The following MAP3K10 variants were observed in gnomAD, a reference collection of about 807,000 sequenced individuals.
MAP3K10 encodes MKN28 derived nonreceptor_type serine/threonine kinase.
MAP3K10 carries 22 observed loss-of-function variants against 75.0 expected under a neutral mutation model. The observed-to-expected ratio is 0.29, with a 90% confidence interval of 0.21 to 0.42. The LOEUF (loss-of-function observed/expected upper bound fraction) is 0.42. Ranked by LOEUF, MAP3K10 falls within the 10% of genes least tolerant of loss-of-function variation. The pLI is 1.00. For synonymous variants in MAP3K10, 599 were observed against 612.9 expected, an observed-to-expected ratio of 0.98 and a Z score of 0.34; for missense variants, 1,165 against 1,379.8, an observed-to-expected ratio of 0.84 and a Z score of 2.47.
Position 40,213,455 on chromosome 19 carries a change from C to A in MAP3K10, c.1838-62C>A. 6.3e-7 allele frequency: 1 copy of A among 1,584,120 alleles called. No homozygotes were observed. The highest frequency in any genetic ancestry group is 8.5e-7 in the Non-Finnish European group (1 of 1,170,090). On this transcript the variant is annotated intron_variant, in intron 8 of 9. Transcript: ENST00000253055. The surrounding 1 kb of genome is among the most constrained non-coding windows in gnomAD (Gnocchi z 5.7). The stretch of plus-strand genomic sequence containing the variant: ...GGGGTCATCGGGGGCTGTCCCTTGG[C>A]ACAAGTCCCCGTGGGGCCCTGGCCA...
chr19:40,201,362 T>C (rs373018410), intron 2 of MAP3K10, among the ~76,000 whole-genome samples: 2 of 149,732 alleles, frequency 1.3e-5, no homozygotes, highest in African/African-American at 5.1e-5. Context: ...TTATTTATTT[T>C]TTTTAATTTT....
rs1285493707 is a variant in MAP3K10, at chr19:40,215,193, T to C, written c.2766T>C (p.Pro922=). 2 of 1,590,068 alleles carry C rather than the reference T, an allele frequency of 1.3e-6. No individual in the cohort carries two copies. The highest frequency in any genetic ancestry group is 1.1e-5 in the South Asian group (1 of 87,888). The part of the protein sequence containing the change: ...PPSRPDTPES[P]GPPSVQPTLL... Reference sequence around the variant, plus strand: ...GCAGGCCAGACACTCCGGAGAGCCCTGGGCCCCCCAGCGTGCAGCCCACAC... The same window carrying C: ...GCAGGCCAGACACTCCGGAGAGCCCCGGGCCCCCCAGCGTGCAGCCCACAC... Residue 922 remains proline, a synonymous_variant, in exon 10 of 10, where the codon CCT becomes CCC. Coordinates refer to ENST00000253055, the MANE Select transcript of MAP3K10 (RefSeq NM_002446.4).
Position 40,212,802 on chromosome 19 carries a change from C to T in MAP3K10, c.1553-3C>T. On this transcript the variant is annotated splice_polypyrimidine_tract_variant and splice_region_variant and intron_variant, in intron 6 of 9. Transcript: ENST00000253055. This position sits in a 1 kb window ranked among gnomAD's most constrained non-coding sequence, Gnocchi z 4.2. Reference sequence around the variant, plus strand: ...AGTAACCAAGTGGCTTCTCTGGACCCAGTGACTCCCGTGGACTGTGGTGGC... The same window carrying T: ...AGTAACCAAGTGGCTTCTCTGGACCTAGTGACTCCCGTGGACTGTGGTGGC... 1 of 1,584,330 alleles carries T rather than the reference C, an allele frequency of 6.3e-7. No individual in the cohort carries two copies. The highest frequency in any genetic ancestry group is 8.6e-7 in the Non-Finnish European group (1 of 1,166,554).
At chr19:40,207,750 T>TA (rs1973149829) in intron 5 of MAP3K10, among the ~76,000 whole-genome samples, 1 of 152,100 alleles carries the variant, frequency 6.6e-6, no homozygotes, top group African/African-American at 2.4e-5. Context: ...AATATATATA[T>TA]TTTTTAATTT....
At position 40,213,090 on chromosome 19, in the gene MAP3K10, G is replaced by C. The variant is rs772614252; in HGVS notation, c.1739G>C (p.Gly580Ala). Residue 580 changes from glycine (G) to alanine (A), a missense_variant, in exon 8 of 10, where the codon GGG becomes GCG. Physicochemically the swap from Gly to Ala is moderately conservative, Grantham distance 60. Around this residue, in one of 2 missense-constraint regions of MAP3K10, gnomAD observed 590 missense variants for 586.6 expected, o/e 1.01. Coordinates refer to ENST00000253055, the MANE Select transcript of MAP3K10 (RefSeq NM_002446.4). The surrounding 1 kb of genome is among the most constrained non-coding windows in gnomAD (Gnocchi z 5.7). ...VGGEERLKGLGEGSKQWSSSA... is the reference protein window; with the variant it reads ...VGGEERLKGLAEGSKQWSSSA... ...GGACCCCGCAGGCTGAAGGGGCTGGGGGAAGGAAGCAAACAGTGGTCATCA... is the reference window on the plus strand; with the variant it reads ...GGACCCCGCAGGCTGAAGGGGCTGGCGGAAGGAAGCAAACAGTGGTCATCA... 1 of 1,606,786 alleles carries C rather than the reference G, an allele frequency of 6.2e-7. No homozygotes were observed. Among genetic ancestry groups the C allele is most frequent in the African/African-American group, 1.3e-5 (1 of 74,898 alleles).
chr19:40,192,214 G>A lies in MAP3K10; in HGVS notation c.183G>A (p.Gly61=), dbSNP rs2145063572. Residue 61 remains glycine (G), a synonymous_variant, in exon 1 of 10, where the codon GGG becomes GGA. Transcript: ENST00000253055. This position sits in a 1 kb window ranked among gnomAD's most constrained non-coding sequence, Gnocchi z 7.1. The stretch of plus-strand genomic sequence containing the variant: ...CCGGCGACGAGGGCTGGTGGACCGG[G>A]CAGCTCCCCAGCGGCCGCGTGGGCG... ...AVSGDEGWWT[G]QLPSGRVGVF... is the part of the protein sequence containing the mutation. 2.5e-6 allele frequency: 4 copies of A among 1,607,468 alleles called. No homozygotes were observed. Among genetic ancestry groups the A allele is most frequent in the East Asian group, 2.2e-5 (1 of 44,742 alleles).
chr19:40,198,220 A>G lies in MAP3K10; in HGVS notation c.683-155A>G, dbSNP rs1972947587. Among the ~76,000 whole-genome samples, 1 of 152,146 alleles carries G rather than the reference A, an allele frequency of 6.6e-6. No individual in the cohort carries two copies. The highest frequency in any genetic ancestry group is 1.5e-5 in the Non-Finnish European group (1 of 68,024). ...GGATTAGACCTGGGCGGAGGGGCTC[A>G]TGGATGTTCCAGGCCAGGAAAGGAC... On this transcript the variant is annotated intron_variant, in intron 1 of 9. Transcript: ENST00000253055. This position sits in a 1 kb window ranked among gnomAD's most constrained non-coding sequence, Gnocchi z 4.3.
chr19:40,204,943 C>T lies in MAP3K10; in HGVS notation c.1013-178C>T. 3.0e-6 allele frequency: 2 copies of T among 670,104 alleles called. No homozygotes were observed. Among genetic ancestry groups the T allele is most frequent in the Non-Finnish European group, 5.2e-6 (2 of 385,868 alleles). 41.5% of individuals were successfully genotyped at this position (670,104 alleles called of 1,614,324 possible). On this transcript the variant is annotated intron_variant, in intron 3 of 9. Transcript: ENST00000253055. The surrounding 1 kb of genome is among the most constrained non-coding windows in gnomAD (Gnocchi z 4.3). The stretch of plus-strand genomic sequence containing the variant: ...GCAGGTCCCAGGGTTTCTCTCCCAG[C>T]GTTTCACTGAGTGGAATTGGCCAGG...
Position 40,213,236 on chromosome 19 carries a change from G to T in MAP3K10, c.1837+48G>T. 1 of 1,512,904 alleles carries T rather than the reference G, an allele frequency of 6.6e-7. No individual in the cohort carries two copies. The highest frequency in any genetic ancestry group is 8.9e-7 in the Non-Finnish European group (1 of 1,128,340). 93.7% of individuals were successfully genotyped at this position (1,512,904 alleles called of 1,614,324 possible). A position where few individuals can be genotyped will look rare whatever the true frequency, so the allele number is the denominator to read the frequency against. ...GGGGGTGGGGGTTCCCTGGCCAAAG[G>T]GGTGAGCCTCCTGGGGCTGAGCGAA... On this transcript the variant is annotated intron_variant, in intron 8 of 9. Coordinates refer to ENST00000253055, the MANE Select transcript of MAP3K10 (RefSeq NM_002446.4). This position sits in a 1 kb window ranked among gnomAD's most constrained non-coding sequence, Gnocchi z 5.7.
Position 40,213,090 on chromosome 19 carries a change from G to A in MAP3K10, c.1739G>A (p.Gly580Glu), listed in dbSNP as rs772614252. 1 of 1,606,904 alleles carries A rather than the reference G, an allele frequency of 6.2e-7. No individual in the cohort carries two copies. Among genetic ancestry groups the A allele is most frequent in the Admixed American group, 1.7e-5 (1 of 58,476 alleles). ...VGGEERLKGL[G>E]EGSKQWSSSA... is the part of the protein sequence containing the mutation. ...GGACCCCGCAGGCTGAAGGGGCTGG[G>A]GGAAGGAAGCAAACAGTGGTCATCA... The change falls in exon 8 of 10, where the codon GGG becomes GAG. Residue 580 changes from glycine to glutamate, a missense_variant. Around this residue, in one of 2 missense-constraint regions of MAP3K10, gnomAD observed 590 missense variants for 586.6 expected, o/e 1.01. Transcript: ENST00000253055. The surrounding 1 kb of genome is among the most constrained non-coding windows in gnomAD (Gnocchi z 5.7).
At chr19:40,197,827 C>T (rs1248393115) in intron 1 of MAP3K10, among the ~76,000 whole-genome samples, 2 of 141,564 alleles carry the variant, frequency 1.4e-5, no homozygotes, top group Non-Finnish European at 3.2e-5. Context: ...GGACTAAGGC[C>T]TTGGCTGTTG....
chr19:40,213,421 G>C lies in MAP3K10; in HGVS notation c.1838-96G>C. On this transcript the variant is annotated intron_variant, in intron 8 of 9. Transcript: ENST00000253055. This position sits in a 1 kb window ranked among gnomAD's most constrained non-coding sequence, Gnocchi z 5.7. ...AACGATGCTCGTGGGTCTTGGTCTT[G>C]CTGTTGGAGGGGTCATCGGGGGCTG... 1.3e-6 allele frequency: 2 copies of C among 1,530,498 alleles called. No homozygotes were observed. The highest frequency in any genetic ancestry group is 1.7e-6 in the Non-Finnish European group (2 of 1,144,082). The allele number at this position is 1,530,498 out of a possible 1,614,324, so 94.8% of individuals were successfully genotyped here. A position where few individuals can be genotyped will look rare whatever the true frequency, so the allele number is the denominator to read the frequency against.
rs1398593042 is a variant in MAP3K10 at position 40,214,983 on chromosome 19, T to C, written c.2556T>C (p.Leu852=). 9 of 1,570,760 alleles carry C rather than the reference T, an allele frequency of 5.7e-6. No individual in the cohort carries two copies. In the Admixed American group the frequency reaches 1.5e-4, roughly 26 times the overall value. ...PAGHGPGPRD[L]LDFPRLPDPQ... ...CTCTCTTACCAGGCCCTCGTGACCT[T>C]CTGGACTTCCCCCGCCTGCCCGACC... The change falls in exon 10 of 10, where the codon CTT becomes CTC. Residue 852 remains leucine (L), a synonymous_variant. Coordinates refer to ENST00000253055, the MANE Select transcript of MAP3K10 (RefSeq NM_002446.4).
At chr19:40,210,948 G>A (rs1321863321) in intron 6 of MAP3K10, among the ~76,000 whole-genome samples, 1 of 152,182 alleles carries the variant, frequency 6.6e-6, no homozygotes. Context: ...TAATCATCCA[G>A]CAACACCCTC....
chr19:40,201,492 C>CTTT (rs36045799), intron 2 of MAP3K10, among the ~76,000 whole-genome samples: 5 of 113,350 alleles, frequency 4.4e-5, no homozygotes, highest in African/African-American at 1.7e-4. Flanking sequence ...CGCACCCAGC[C>CTTT]TTTTTTTTTT....
Position 40,215,178 on chromosome 19 carries a change from C to T in MAP3K10, c.2751C>T (p.Asp917=). Residue 917 remains aspartate (D), a synonymous_variant, in exon 10 of 10, where the codon GAC becomes GAT. Transcript: ENST00000253055. ...CCATCTCGCCTCCCAGCAGGCCAGA[C>T]ACTCCGGAGAGCCCTGGGCCCCCCA... ...TLTISPPSRP[D]TPESPGPPSV... is the part of the protein sequence containing the mutation. 1 of 1,600,146 alleles carries T rather than the reference C, an allele frequency of 6.2e-7. No homozygotes were observed. Among genetic ancestry groups the T allele is most frequent in the Non-Finnish European group, 8.5e-7 (1 of 1,174,156 alleles).
At chr19:40,194,126 C>T (rs1972864175) in intron 1 of MAP3K10, among the ~76,000 whole-genome samples, 1 of 152,040 alleles carries the variant, frequency 6.6e-6, no homozygotes, top group East Asian at 1.9e-4. Context: ...TTTGGGAGGC[C>T]GACGTGGGTG....
At chr19:40,208,326 C>G (rs1000734421) in intron 5 of MAP3K10, among the ~76,000 whole-genome samples, 1 of 148,494 alleles carries the variant, frequency 6.7e-6, no homozygotes, top group Non-Finnish European at 1.5e-5. Context: ...CACCCGCCAC[C>G]ACGCCTGGCT....
rs59999853 is a variant in MAP3K10 at position 40,213,330 on chromosome 19, G to A, written c.1837+142G>A. 0.08 allele frequency: 115,894 copies of A among 1,450,192 alleles called. 5,397 individuals carry two copies. The highest frequency in any genetic ancestry group is 0.18 in the African/African-American group (12,357 of 70,136). 89.8% of individuals were successfully genotyped at this position (1,450,192 alleles called of 1,614,324 possible). On this transcript the variant is annotated intron_variant, in intron 8 of 9. Transcript: ENST00000253055. The surrounding 1 kb of genome is among the most constrained non-coding windows in gnomAD (Gnocchi z 5.7). ...GAAGGGAGATGGTGGCCCCTGGGGCGTGGGGGGTCATTTCCAGGGGCAGGG... is the reference window on the plus strand; with the variant it reads ...GAAGGGAGATGGTGGCCCCTGGGGCATGGGGGGTCATTTCCAGGGGCAGGG...
Sources: gnomAD v4.1 joint callset for allele counts (sites outside exome capture counted in the v4.1 genomes callset) on GRCh38, gnomAD v4.1.1 for gene constraint, gnomAD v4.1.1 regional missense constraint, Gnocchi (gnomAD v3.1) non-coding constraint, MANE v1.5 for transcripts, NCBI Gene and HGNC (gene_info 2026-07-23, HGNC 2026-07-21) for gene names.